SORBS2: variants seen among roughly 807,000 people sequenced by gnomAD.
SORBS2 encodes the protein sorbin and SH3 domain-containing protein 2.
A neutral mutation model predicts 97.7 loss-of-function variants in SORBS2; 46 were observed. The ratio of observed to expected loss-of-function variants is 0.47; its 90% CI spans 0.37 to 0.60. SORBS2 has a LOEUF of 0.60. Ranked by LOEUF, SORBS2 falls within the 20% of genes least tolerant of loss-of-function variation. The probability of loss-of-function intolerance (pLI) is 0.00; values close to 1 mark genes in which losing one functional copy is unlikely to be tolerated. For missense variants in SORBS2, 1,316 were observed against 1,282.3 expected (o/e 1.03, Z -0.40); for synonymous variants, 476 against 473.4 (o/e 1.01, Z -0.07).
chr4:185,743,983 C>T (rs1194852245), intron 2 of SORBS2, among the ~76,000 whole-genome samples: 1 of 141,042 alleles, frequency 7.1e-6, no homozygotes, highest in Admixed American at 7.2e-5. Context: ...TTCCTCCCCT[C>T]CTCCTCCTCC....
chr4:185,657,724 C>G, upstream of SORBS2: 2 of 837,536 alleles, frequency 2.4e-6, no homozygotes, highest in Non-Finnish European at 3.6e-6. Context: ...CCTTTTAACT[C>G]ATTTACTTTC....
chr4:185,868,154 TC>T (rs1579254260), intron 1 of SORBS2, among the ~76,000 whole-genome samples: 1 of 100,868 alleles, frequency 9.9e-6, no homozygotes, highest in South Asian at 2.9e-4. Flanking sequence ...TTTCTTTTTT[TC>T]TTTCTTTTTT....
chr4:185,828,537 G>A (rs572804422), intron 1 of SORBS2, among the ~76,000 whole-genome samples: 6 of 151,990 alleles, frequency 3.9e-5, no homozygotes, highest in Admixed American at 6.5e-5. Context: ...TGGTCATTTC[G>A]TTTCTATAAT....
At chr4:185,669,739 G>A (rs959707641) in intron 4 of SORBS2, among the ~76,000 whole-genome samples, 3 of 152,068 alleles carry the variant, frequency 2.0e-5, no homozygotes, top group African/African-American at 7.2e-5. Flanking sequence ...GAAGACCAGC[G>A]CATGCCAAGC....
intron 1 of SORBS2, among the ~76,000 whole-genome samples, chr4:185,854,184 G>T (rs1293421812): frequency 6.6e-6 from 1 of 152,162 alleles, no homozygotes; most frequent in South Asian, 2.1e-4. Context: ...GGTCAGCAAG[G>T]GGGTGGCGGA....
At chr4:185,886,554 C>CAAAAAAAAAAAAAAAAA (rs1198439527) in intron 1 of SORBS2, among the ~76,000 whole-genome samples, 9 of 72,882 alleles carry the variant, frequency 1.2e-4, no homozygotes, top group South Asian at 4.2e-4. Flanking sequence ...GACTCTGTCT[C>CAAAAAAAAAAAAAAAAA]AAAAAAAAAA....
chr4:185,607,449 G>C lies in SORBS2; in HGVS notation c.2796+4331C>G, dbSNP rs541117408. The stretch of plus-strand genomic sequence containing the variant: ...CGATGGAGAAATGCAGAAAAGATGC[G>C]GTGGTGAATATGAAAATAATTTTAT... On this transcript the variant is annotated intron_variant, in intron 12 of 14. Transcript: ENST00000418609. This position sits in a 1 kb window ranked among gnomAD's most constrained non-coding sequence, Gnocchi z 5.2. The C allele has an allele frequency of 9.9e-5, 50 of 504,674 alleles. 2 individuals are homozygous for C. In the African/African-American group the frequency reaches 1.0e-3, roughly 10 times the overall value. 31.3% of individuals were successfully genotyped at this position (504,674 alleles called of 1,614,324 possible). A position where few individuals can be genotyped will look rare whatever the true frequency, so the allele number is the denominator to read the frequency against.
chr4:185,834,217 G>A (rs2099206691), intron 1 of SORBS2, among the ~76,000 whole-genome samples: 1 of 152,140 alleles, frequency 6.6e-6, no homozygotes, highest in South Asian at 2.1e-4. Context: ...GGAGGATTCA[G>A]ACAACCTACA....
At chr4:185,627,145 G>T in intron 5 of SORBS2, 126 bp from the exon 18 acceptor site, 1 of 707,788 alleles carries the variant, frequency 1.4e-6, no homozygotes, top group Non-Finnish European at 2.4e-6. Context: ...AAACTGCATT[G>T]CTAGGAACTC....
intron 1 of SORBS2, among the ~76,000 whole-genome samples, chr4:185,777,894 C>A (rs1478853664): frequency 6.6e-6 from 1 of 152,060 alleles, no homozygotes; most frequent in Non-Finnish European, 1.5e-5. Flanking sequence ...GCAGTCCATC[C>A]ATGTAACAAA....
At chr4:185,770,058 T>C (rs908032351) in intron 2 of SORBS2, among the ~76,000 whole-genome samples, 1 of 150,268 alleles carries the variant, frequency 6.7e-6, no homozygotes, top group South Asian at 2.1e-4. Flanking sequence ...CTCTGAGAAA[T>C]GAGAGGCATT....
exon 15 of SORBS2, chr4:185,587,447 T>G: frequency 1.6e-6 from 1 of 606,932 alleles, no homozygotes; most frequent in East Asian, 2.8e-5. Flanking sequence ...CAGCCTGCCA[T>G]GTCGTCCCCA....
chr4:185,834,497 T>C (rs1040228086), intron 1 of SORBS2, among the ~76,000 whole-genome samples: 2 of 152,128 alleles, frequency 1.3e-5, no homozygotes, highest in Non-Finnish European at 2.9e-5. Flanking sequence ...TTTACATTCA[T>C]GTAGAGAAGA....
At chr4:185,910,948 T>C (rs1403017176) in intron 1 of SORBS2, among the ~76,000 whole-genome samples, 1 of 151,938 alleles carries the variant, frequency 6.6e-6, no homozygotes, top group Non-Finnish European at 1.5e-5. Flanking sequence ...TACAATGCGG[T>C]GTTTGATTTT....
chr4:185,618,783 C>T lies in SORBS2; in HGVS notation c.2305-152G>A, dbSNP rs539812468. 120 of 449,610 alleles carry T rather than the reference C, an allele frequency of 2.7e-4. No homozygotes were observed. The South Asian group carries it at 7.0e-3, about 26-fold the overall frequency. The allele number at this position is 449,610 out of a possible 1,614,324, so 27.9% of individuals were successfully genotyped here. On this transcript the variant is annotated intron_variant, in intron 8 of 14. Coordinates refer to ENST00000418609, the Ensembl canonical transcript of SORBS2. ...TAAGCAATTTATAAATAAGTCCATTCATTCTTCATTTAGATATTTAAGCTA... is the reference window on the plus strand; with the variant it reads ...TAAGCAATTTATAAATAAGTCCATTTATTCTTCATTTAGATATTTAAGCTA...
At chr4:185,842,188 G>T (rs1172249793) in intron 1 of SORBS2, among the ~76,000 whole-genome samples, 1 of 152,158 alleles carries the variant, frequency 6.6e-6, no homozygotes, top group Non-Finnish European at 1.5e-5. Flanking sequence ...GTGGTAGAGT[G>T]GTCCTCTTAG....
chr4:185,768,505 G>A (rs772745554), intron 2 of SORBS2, among the ~76,000 whole-genome samples: 1 of 152,006 alleles, frequency 6.6e-6, no homozygotes, highest in Non-Finnish European at 1.5e-5. Context: ...CAGCCTGGCA[G>A]CCTGGGCAAC....
At chr4:185,886,599 A>G (rs578172141) in intron 1 of SORBS2, among the ~76,000 whole-genome samples, 1 of 151,878 alleles carries the variant, frequency 6.6e-6, no homozygotes, top group South Asian at 2.1e-4. Context: ...AGAAAAGAAA[A>G]CAACGTGGCC....
chr4:185,634,545 C>T (rs1218236798), intron 4 of SORBS2, among the ~76,000 whole-genome samples: 1 of 151,876 alleles, frequency 6.6e-6, no homozygotes, highest in African/African-American at 2.4e-5. Flanking sequence ...GTCATTTATC[C>T]ACTTTCTAAA....
Sources: allele counts gnomAD v4.1 joint callset (sites outside exome capture counted in the v4.1 genomes callset), GRCh38; gene constraint gnomAD v4.1.1; non-coding constraint Gnocchi (gnomAD v3.1); transcripts MANE v1.5; gene names NCBI Gene and HGNC (gene_info 2026-07-23, HGNC 2026-07-21).